Variants in OR9Q1 observed in about 807,000 individuals in gnomAD.
The protein encoded by OR9Q1 is olfactory receptor family 9 subfamily Q member 1, also known as olfactory receptor 9Q1.
For missense variants in OR9Q1, 374 were observed against 378.8 expected, an observed-to-expected ratio of 0.99 and a Z score of 0.11; for synonymous variants, 153 against 148.6, an observed-to-expected ratio of 1.03 and a Z score of -0.22.
At chr11:58,027,820 A>G (rs964191775) in intron 1 of OR9Q1, among the ~76,000 whole-genome samples, 20 of 152,242 alleles carry the variant, frequency 1.3e-4, no homozygotes, top group Admixed American at 8.5e-4. Flanking sequence ...TTGAGAAACA[A>G]GAGCAGATCC....
chr11:58,145,622 A>G (rs1042054674), intron 2 of OR9Q1, among the ~76,000 whole-genome samples: 1 of 152,178 alleles, frequency 6.6e-6, no homozygotes, highest in Non-Finnish European at 1.5e-5. Context: ...CTCATCAGTA[A>G]AAATTTCTGC....
At chr11:58,088,013 G>A (rs566251534) in intron 2 of OR9Q1, among the ~76,000 whole-genome samples, 33 of 151,836 alleles carry the variant, frequency 2.2e-4, no homozygotes, top group South Asian at 6.2e-4. Context: ...TCAGCCTCCC[G>A]AGTATCTGGG....
chr11:58,103,623 G>C (rs1278937161), intron 2 of OR9Q1, among the ~76,000 whole-genome samples: 2 of 151,746 alleles, frequency 1.3e-5, no homozygotes, highest in South Asian at 4.2e-4. Flanking sequence ...GAAAATTATT[G>C]TGTTCCTTTA....
At chr11:58,074,403 T>C (rs928888481) in intron 2 of OR9Q1, among the ~76,000 whole-genome samples, 1 of 152,210 alleles carries the variant, frequency 6.6e-6, no homozygotes, top group Non-Finnish European at 1.5e-5. Flanking sequence ...CACATAAATA[T>C]CTTCTTTTGA....
At chr11:58,140,948 C>T (rs1854242420) in intron 2 of OR9Q1, among the ~76,000 whole-genome samples, 2 of 152,092 alleles carry the variant, frequency 1.3e-5, no homozygotes, top group African/African-American at 2.4e-5. Context: ...TTGTTTGTAT[C>T]CTCTTTTATT....
intron 2 of OR9Q1, among the ~76,000 whole-genome samples, chr11:58,096,249 A>G (rs1171879104): frequency 6.6e-6 from 1 of 151,652 alleles, no homozygotes; most frequent in Non-Finnish European, 1.5e-5. Context: ...AGTAAAATAC[A>G]TTCATCTTAC....
chr11:58,035,796 T>C (rs1408091451), intron 1 of OR9Q1, among the ~76,000 whole-genome samples: 1 of 151,958 alleles, frequency 6.6e-6, no homozygotes, highest in African/African-American at 2.4e-5. Flanking sequence ...GTGCTTTAGA[T>C]TCTTTTGGAT....
intron 2 of OR9Q1, among the ~76,000 whole-genome samples, chr11:58,158,114 C>A (rs1854424584): frequency 6.6e-6 from 1 of 152,204 alleles, no homozygotes; most frequent in South Asian, 2.1e-4. Context: ...ACCAAAGCTT[C>A]ATTCTCATGT....
At chr11:58,027,175 C>G (rs182438700) in intron 1 of OR9Q1, among the ~76,000 whole-genome samples, 1 of 152,264 alleles carries the variant, frequency 6.6e-6, no homozygotes, top group East Asian at 1.9e-4. Context: ...CCACGCATGC[C>G]CAACCAAACC....
At chr11:58,126,650 C>T (rs565844316) in intron 2 of OR9Q1, among the ~76,000 whole-genome samples, 1 of 152,110 alleles carries the variant, frequency 6.6e-6, no homozygotes, top group African/African-American at 2.4e-5. Flanking sequence ...CCTTCCAATA[C>T]ATTTTTGGAC....
chr11:58,070,418 T>A (rs1161611325), intron 2 of OR9Q1, among the ~76,000 whole-genome samples: 1 of 152,116 alleles, frequency 6.6e-6, no homozygotes, highest in African/African-American at 2.4e-5. Context: ...GTGTACACCG[T>A]GTCACCCACC....
chr11:58,091,717 T>C (rs1853686010), intron 2 of OR9Q1, among the ~76,000 whole-genome samples: 1 of 152,182 alleles, frequency 6.6e-6, no homozygotes, highest in Admixed American at 6.6e-5. Flanking sequence ...TTCTGTCTTA[T>C]TGATCTAATA....
chr11:58,030,832 ACAT>A, intron 1 of OR9Q1: 2 of 681,912 alleles, frequency 2.9e-6, no homozygotes, highest in Non-Finnish European at 5.3e-6. Flanking sequence ...CAGTGTGTTG[ACAT>A]CATGTTTCTC....
intron 1 of OR9Q1, among the ~76,000 whole-genome samples, chr11:58,047,732 AAAT>A (rs1269944680): frequency 1.6e-5 from 2 of 127,154 alleles, no homozygotes; most frequent in Non-Finnish European, 3.4e-5. Flanking sequence ...AAAAAAAAAA[AAAT>A]TAGCTTGCCG....
intron 1 of OR9Q1, among the ~76,000 whole-genome samples, chr11:58,046,337 A>G (rs1198277194): frequency 2.0e-5 from 3 of 152,216 alleles, no homozygotes; most frequent in African/African-American, 4.8e-5. Flanking sequence ...ATAAAAAACC[A>G]TATGCCTGAC....
chr11:58,116,450 A>C (rs1344828655), intron 2 of OR9Q1, among the ~76,000 whole-genome samples: 1 of 152,196 alleles, frequency 6.6e-6, no homozygotes, highest in East Asian at 1.9e-4. Context: ...TAAAGTTGTT[A>C]AACCCATTTA....
At chr11:58,058,788 C>T (rs1164443012) in intron 2 of OR9Q1, among the ~76,000 whole-genome samples, 9 of 152,174 alleles carry the variant, frequency 5.9e-5, no homozygotes, top group Admixed American at 5.9e-4. Context: ...TCCAGCCACT[C>T]AAAGTTGCTG....
chr11:58,037,677 ATATATATATATATTTTTTTTTT>A (rs1853115500), intron 1 of OR9Q1, among the ~76,000 whole-genome samples: 1 of 32,372 alleles, frequency 3.1e-5, no homozygotes, highest in African/African-American at 1.2e-4. Flanking sequence ...ATATATATAT[ATATATATATATATTTTTTTTTT>A]TTTTTTTTTT....
At chr11:58,108,237 G>A (rs1344169024) in intron 2 of OR9Q1, among the ~76,000 whole-genome samples, 1 of 152,058 alleles carries the variant, frequency 6.6e-6, no homozygotes, top group Non-Finnish European at 1.5e-5. Flanking sequence ...ATAGTGAGTT[G>A]GTAGGTTATC....
Sources: gnomAD v4.1 joint callset for allele counts (sites outside exome capture counted in the v4.1 genomes callset) on GRCh38, gnomAD v4.1.1 for gene constraint, MANE v1.5 for transcripts, NCBI Gene and HGNC (gene_info 2026-07-23, HGNC 2026-07-21) for gene names.